The following NRXN3 variants were observed in gnomAD, a reference collection of about 807,000 sequenced individuals.
The protein encoded by NRXN3 is neurexin 3, also known as neurexin III.
A neutral mutation model predicts 137.6 loss-of-function variants in NRXN3; 32 were observed. That is an observed-to-expected ratio of 0.23 (90% CI 0.18 to 0.31). NRXN3 has a LOEUF of 0.31. Ranked by LOEUF, NRXN3 falls within the 10% of genes least tolerant of loss-of-function variation. The pLI is 1.00. For synonymous variants in NRXN3, 798 were observed against 784.5 expected, an observed-to-expected ratio of 1.02 and a Z score of -0.29; for missense variants, 1,574 against 2,062.5, an observed-to-expected ratio of 0.76 and a Z score of 4.59.
intron 19 of NRXN3, among the ~76,000 whole-genome samples, chr14:79,763,943 C>T (rs1467201210): frequency 6.7e-6 from 1 of 148,910 alleles, no homozygotes; most frequent in East Asian, 1.9e-4. Context: ...GTAAAGACTT[C>T]ATTTGCTTTA....
chr14:79,596,047 G>GC (rs2097855521), intron 16 of NRXN3, among the ~76,000 whole-genome samples: 1 of 139,288 alleles, frequency 7.2e-6, no homozygotes, highest in Non-Finnish European at 1.6e-5. Flanking sequence ...CTTGGGATGG[G>GC]TTTTTTTTTT....
intron 11 of NRXN3, among the ~76,000 whole-genome samples, chr14:78,965,652 A>G (rs2099416074): frequency 6.6e-6 from 1 of 152,212 alleles, no homozygotes; most frequent in Admixed American, 6.5e-5. Flanking sequence ...GATGCCCAAG[A>G]CTTGTGTGTT....
At chr14:78,426,423 A>G (rs1295691681) in intron 4 of NRXN3, among the ~76,000 whole-genome samples, 3 of 152,158 alleles carry the variant, frequency 2.0e-5, no homozygotes, top group African/African-American at 7.2e-5. Flanking sequence ...TTTTCCTTCT[A>G]CTCTTCTAGG....
chr14:79,126,254 C>T (rs564705970), intron 15 of NRXN3, among the ~76,000 whole-genome samples: 12 of 151,878 alleles, frequency 7.9e-5, no homozygotes, highest in East Asian at 3.9e-4. Flanking sequence ...ATACATGTGC[C>T]GTGCTGGTGC....
At chr14:79,109,204 A>G (rs1384088134) in intron 15 of NRXN3, among the ~76,000 whole-genome samples, 1 of 152,150 alleles carries the variant, frequency 6.6e-6, no homozygotes, top group East Asian at 1.9e-4. Context: ...GCTAATCCTC[A>G]TAAATTGTCT....
At chr14:79,735,727 T>C (rs2098939565) in intron 19 of NRXN3, among the ~76,000 whole-genome samples, 1 of 152,208 alleles carries the variant, frequency 6.6e-6, no homozygotes, top group Non-Finnish European at 1.5e-5. Context: ...GAAAAACTTC[T>C]GCAGCCCTGT....
At chr14:78,489,394 C>T (rs2095622923) in intron 4 of NRXN3, among the ~76,000 whole-genome samples, 2 of 152,134 alleles carry the variant, frequency 1.3e-5, no homozygotes, top group African/African-American at 4.8e-5. Flanking sequence ...AGTTCTGAGA[C>T]AGGGACAGAC....
At chr14:78,923,046 A>G (rs767787784) in intron 10 of NRXN3, among the ~76,000 whole-genome samples, 14 of 151,972 alleles carry the variant, frequency 9.2e-5, no homozygotes, top group Non-Finnish European at 1.6e-4. Flanking sequence ...ATTGCTGCCT[A>G]TGTAGTATGT....
At chr14:79,194,739 A>G (rs974849669) in intron 15 of NRXN3, among the ~76,000 whole-genome samples, 3 of 152,112 alleles carry the variant, frequency 2.0e-5, no homozygotes, top group Admixed American at 2.0e-4. Context: ...GTGTGTATAA[A>G]CCTGGCTTTG....
At chr14:79,532,476 A>G (rs1567410079) in intron 16 of NRXN3, among the ~76,000 whole-genome samples, 2 of 152,214 alleles carry the variant, frequency 1.3e-5, no homozygotes, top group Non-Finnish European at 1.5e-5. Context: ...AAAAGTCAGC[A>G]TGAGACACAG....
At chr14:79,837,695 C>T (rs1215938432) in intron 20 of NRXN3, among the ~76,000 whole-genome samples, 1 of 152,106 alleles carries the variant, frequency 6.6e-6, no homozygotes, top group East Asian at 1.9e-4. Flanking sequence ...CAAAGTTTTT[C>T]TCTAGAGGCT....
intron 16 of NRXN3, among the ~76,000 whole-genome samples, chr14:79,504,637 T>TATATATATATATA (rs2096855249): frequency 1.6e-5 from 1 of 61,530 alleles, no homozygotes; most frequent in African/African-American, 1.0e-4. Flanking sequence ...TAAAATGAAG[T>TATATATATATATA]TTTTTATATA....
intron 15 of NRXN3, among the ~76,000 whole-genome samples, chr14:79,132,136 CT>C (rs1277063817): frequency 1.3e-5 from 2 of 152,276 alleles, no homozygotes; most frequent in African/African-American, 4.8e-5. Context: ...AATTACCCGT[CT>C]TCTGCGTTGC....
chr14:78,210,510 ATTTG>A (rs902288582), intron 1 of NRXN3, among the ~76,000 whole-genome samples: 2 of 152,190 alleles, frequency 1.3e-5, no homozygotes, highest in African/African-American at 4.8e-5. Flanking sequence ...GTTTCCAAAA[ATTTG>A]TTTGAGGTGT....
intron 10 of NRXN3, among the ~76,000 whole-genome samples, chr14:78,873,600 A>T (rs1406576951): frequency 6.6e-6 from 1 of 152,214 alleles, no homozygotes; most frequent in Non-Finnish European, 1.5e-5. Flanking sequence ...CAATATTCTT[A>T]GTGATCTCCT....
chr14:78,865,576 A>G (rs1219041530), intron 10 of NRXN3, among the ~76,000 whole-genome samples: 2 of 152,174 alleles, frequency 1.3e-5, no homozygotes, highest in Non-Finnish European at 2.9e-5. Flanking sequence ...TAATTTAAAT[A>G]CCTATCAAAG....
intron 15 of NRXN3, among the ~76,000 whole-genome samples, chr14:79,139,908 C>CATATATATAT (rs34927047): frequency 8.3e-5 from 12 of 143,758 alleles, no homozygotes; most frequent in African/African-American, 3.0e-4. Flanking sequence ...ATGGCATATG[C>CATATATATAT]ATATATATAT....
At chr14:79,642,230 A>G (rs2098436706) in intron 16 of NRXN3, among the ~76,000 whole-genome samples, 1 of 135,432 alleles carries the variant, frequency 7.4e-6, no homozygotes, top group Non-Finnish European at 1.7e-5. Context: ...ATCAATCAAG[A>G]GCTGACATGA....
chr14:78,780,532 C>T (rs1232626165), intron 8 of NRXN3, among the ~76,000 whole-genome samples: 1 of 152,032 alleles, frequency 6.6e-6, no homozygotes, highest in Non-Finnish European at 1.5e-5. Flanking sequence ...TTGGAGAAAA[C>T]ATTGGCAATG....
Sources: allele counts gnomAD v4.1 joint callset (sites outside exome capture counted in the v4.1 genomes callset), GRCh38; gene constraint gnomAD v4.1.1; transcripts MANE v1.5; gene names NCBI Gene and HGNC (gene_info 2026-07-23, HGNC 2026-07-21).